Variants in PCSK5 observed in about 807,000 individuals in gnomAD.
The protein encoded by PCSK5 is prohormone convertase 5.
A neutral mutation model predicts 233.2 loss-of-function variants in PCSK5; 129 were observed. The observed-to-expected ratio is 0.55, with a 90% CI of 0.48 to 0.64. The LOEUF is 0.64. Among genes scored for constraint, PCSK5 ranks in the 30% least tolerant of loss-of-function variants. PCSK5 has a pLI of 0.00. For missense variants in PCSK5, 2,076 were observed against 2,430.1 expected, an observed-to-expected ratio of 0.85 and a Z score of 3.06; for synonymous variants, 825 against 879.2, an observed-to-expected ratio of 0.94 and a Z score of 1.09.
intron 2 of PCSK5, among the ~76,000 whole-genome samples, chr9:75,945,837 C>T (rs1007107919): frequency 1.3e-5 from 2 of 152,192 alleles, no homozygotes; most frequent in African/African-American, 4.8e-5. Flanking sequence ...TGGATGCCTT[C>T]TCAGCCTTCA....
At chr9:76,034,910 A>T (rs929567755) in intron 5 of PCSK5, among the ~76,000 whole-genome samples, 6 of 152,160 alleles carry the variant, frequency 3.9e-5, no homozygotes, top group African/African-American at 1.4e-4. Context: ...TCCGAATTGA[A>T]GTTGCTGACC....
chr9:75,945,758 C>T (rs1173214669), intron 2 of PCSK5, among the ~76,000 whole-genome samples: 2 of 152,128 alleles, frequency 1.3e-5, no homozygotes, highest in African/African-American at 4.8e-5. Flanking sequence ...ATCTCTGTCT[C>T]GCTTTCTGTC....
intron 10 of PCSK5, among the ~76,000 whole-genome samples, chr9:76,151,500 G>A (rs1295554868): frequency 2.6e-5 from 4 of 152,072 alleles, no homozygotes; most frequent in African/African-American, 7.2e-5. Context: ...CCATTCACCC[G>A]ACTGCAGGAA....
At chr9:76,010,729 A>G (rs984346807) in intron 3 of PCSK5, among the ~76,000 whole-genome samples, 5 of 152,222 alleles carry the variant, frequency 3.3e-5, no homozygotes, top group Non-Finnish European at 7.3e-5. Flanking sequence ...TTAGTTACCC[A>G]TGAAGAGCTT....
chr9:76,289,080 A>G (rs925111593), intron 24 of PCSK5, among the ~76,000 whole-genome samples: 2 of 152,216 alleles, frequency 1.3e-5, no homozygotes, highest in Admixed American at 6.5e-5. Flanking sequence ...GGAAGGTGAC[A>G]CAGGGGATCA....
At chr9:76,251,915 A>G (rs1826819377) in intron 24 of PCSK5, among the ~76,000 whole-genome samples, 1 of 152,002 alleles carries the variant, frequency 6.6e-6, no homozygotes. Context: ...CAATCATACT[A>G]GCTAATGTTC....
chr9:75,946,279 G>A (rs988128048), intron 2 of PCSK5, among the ~76,000 whole-genome samples: 3 of 152,214 alleles, frequency 2.0e-5, no homozygotes, highest in African/African-American at 7.2e-5. Context: ...GCAACTGGTT[G>A]GAGAGAAGAC....
intron 30 of PCSK5, among the ~76,000 whole-genome samples, chr9:76,312,597 A>C (rs1343858645): frequency 6.6e-6 from 1 of 152,114 alleles, no homozygotes; most frequent in Non-Finnish European, 1.5e-5. Context: ...TCTATAGAGT[A>C]TAAATATAAG....
At chr9:76,221,326 T>G (rs1026263002) in intron 20 of PCSK5, among the ~76,000 whole-genome samples, 1 of 152,220 alleles carries the variant, frequency 6.6e-6, no homozygotes. Flanking sequence ...TTCTTTCTTT[T>G]TATAAATAGC....
intron 24 of PCSK5, among the ~76,000 whole-genome samples, chr9:76,250,747 C>T (rs1826775005): frequency 6.6e-6 from 1 of 152,096 alleles, no homozygotes; most frequent in Admixed American, 6.5e-5. Flanking sequence ...AGAAAAGACA[C>T]TAGGTAAAAA....
chr9:76,284,605 T>C (rs1828000166), intron 24 of PCSK5, among the ~76,000 whole-genome samples: 1 of 146,746 alleles, frequency 6.8e-6, no homozygotes, highest in East Asian at 2.0e-4. Flanking sequence ...CGATCTCAGC[T>C]CACTGCAACC....
Position 76,292,277 on chromosome 9 carries a change from TA to T in PCSK5, c.3185+4del. On this transcript the variant is annotated splice_donor_region_variant and intron_variant, in intron 25 of 37. Coordinates refer to ENST00000674117, the MANE Select transcript of PCSK5 (RefSeq NM_001372043.1). ...ATCTTGCGCTATGGGGTATTACAGG[TA>T]AGTCTGGTCTTCCTTTTCATGGCAC... 6.4e-7 allele frequency: 1 copy of T among 1,558,374 alleles called. No individual in the cohort carries two copies. The highest frequency in any genetic ancestry group is 8.8e-7 in the Non-Finnish European group (1 of 1,130,726).
intron 2 of PCSK5, among the ~76,000 whole-genome samples, chr9:75,982,212 T>G (rs559306555): frequency 9.9e-5 from 15 of 152,278 alleles, no homozygotes; most frequent in Middle Eastern, 6.8e-3. Flanking sequence ...AGATATGCTT[T>G]CATTTATTAT....
chr9:76,298,722 T>C (rs1428460095), intron 27 of PCSK5, among the ~76,000 whole-genome samples: 1 of 152,174 alleles, frequency 6.6e-6, no homozygotes, highest in Non-Finnish European at 1.5e-5. Flanking sequence ...TAGCCACACC[T>C]TTCAGATGAT....
intron 5 of PCSK5, among the ~76,000 whole-genome samples, chr9:76,059,253 A>T (rs979263010): frequency 6.6e-6 from 1 of 152,128 alleles, no homozygotes; most frequent in African/African-American, 2.4e-5. Flanking sequence ...TAGATTCTGG[A>T]TATTAGACCT....
Position 76,308,725 on chromosome 9 carries a change from A to C in PCSK5, c.3685A>C (p.Lys1229Gln). Residue 1229 changes from lysine to glutamine, a missense_variant, in exon 29 of 38, where the codon AAA (lysine) becomes CAA (glutamine). Transcript: ENST00000674117. ...TGCAACTCTGTGCACTTCATGTCCC[A>C]AAGGTTAGTGTGTTGCGTGACAGAA... ...GSATLCTSCP[K>Q]GAYLLAQACV... 6.2e-7 allele frequency: 1 copy of C among 1,601,302 alleles called. No homozygotes were observed. Among genetic ancestry groups the C allele is most frequent in the Non-Finnish European group, 8.5e-7 (1 of 1,169,630 alleles).
chr9:75,982,380 A>C (rs1826316498), intron 2 of PCSK5, among the ~76,000 whole-genome samples: 1 of 152,200 alleles, frequency 6.6e-6, no homozygotes, highest in African/African-American at 2.4e-5. Flanking sequence ...GAATTGTTTA[A>C]TTATCCTCCA....
intron 21 of PCSK5, among the ~76,000 whole-genome samples, chr9:76,231,892 C>T (rs763840120): frequency 1.3e-5 from 2 of 152,104 alleles, no homozygotes; most frequent in South Asian, 2.1e-4. Flanking sequence ...AATGGTGCTG[C>T]GGATGGTTAA....
chr9:76,130,617 A>T (rs1417997037), intron 9 of PCSK5, among the ~76,000 whole-genome samples: 2 of 152,166 alleles, frequency 1.3e-5, no homozygotes, highest in Non-Finnish European at 2.9e-5. Context: ...TGCTCACTAG[A>T]TGTTGGTTAT....
Sources: gnomAD v4.1 joint callset for allele counts (sites outside exome capture counted in the v4.1 genomes callset) on GRCh38, gnomAD v4.1.1 for gene constraint, MANE v1.5 for transcripts, NCBI Gene and HGNC (gene_info 2026-07-23, HGNC 2026-07-21) for gene names.